CLIP2: variants seen among roughly 807,000 people sequenced by gnomAD.
The protein encoded by CLIP2 is CAP-Gly domain-containing linker protein 2.
CLIP2 carries 41 observed loss-of-function variants against 111.7 expected under a neutral mutation model. That is an observed-to-expected ratio of 0.37 (90% CI 0.29 to 0.48). The LOEUF is 0.48. Among genes scored for constraint, CLIP2 ranks in the 20% least tolerant of loss-of-function variants. The pLI, the probability that CLIP2 is intolerant of heterozygous loss-of-function variation, is 0.99. For synonymous variants in CLIP2, 660 were observed against 644.2 expected (o/e 1.02, Z -0.37); for missense variants, 1,160 against 1,422.1 (o/e 0.82, Z 2.96).
Position 74,389,259 on chromosome 7 carries a change from G to A in CLIP2, c.2720G>A (p.Arg907Gln), listed in dbSNP as rs1584386307. 6.9e-6 allele frequency: 11 copies of A among 1,588,014 alleles called. No individual in the cohort carries two copies. Among genetic ancestry groups the A allele is most frequent in the East Asian group, 2.3e-5 (1 of 43,508 alleles). Residue 907 changes from arginine to glutamine, a missense_variant and splice_region_variant, in exon 13 of 17, where the codon CGG becomes CAG. Physicochemically the swap from Arg to Gln is conservative, Grantham distance 43 (BLOSUM62 1). Coordinates refer to ENST00000223398, the MANE Select transcript of CLIP2 (RefSeq NM_003388.5). ...LISQELLRKE[R>Q]SLNELRVLLL... ...AGCCAGGAGCTGCTGCGGAAGGAGC[G>A]GTGAGGCGGCCGTGGGGCCGGCTGG...
intron 7 of CLIP2, among the ~76,000 whole-genome samples, chr7:74,361,658 C>T (rs1396079554): frequency 6.6e-6 from 1 of 152,198 alleles, no homozygotes; most frequent in African/African-American, 2.4e-5. Flanking sequence ...ACTGGGACTA[C>T]AGGCACACGC....
At chr7:74,321,438 T>C (rs1788949495) in intron 2 of CLIP2, among the ~76,000 whole-genome samples, 1 of 152,140 alleles carries the variant, frequency 6.6e-6, no homozygotes, top group African/African-American at 2.4e-5. Flanking sequence ...GCCATTGTCA[T>C]GTTGCAGCGC....
At chr7:74,321,677 C>A (rs1466792689) in intron 2 of CLIP2, among the ~76,000 whole-genome samples, 3 of 152,006 alleles carry the variant, frequency 2.0e-5, no homozygotes, top group Admixed American at 6.6e-5. Flanking sequence ...ATCATCTTGG[C>A]CAGGCTGGTC....
intron 11 of CLIP2, among the ~76,000 whole-genome samples, chr7:74,385,108 C>A (rs1791048854): frequency 7.6e-6 from 1 of 131,556 alleles, no homozygotes; most frequent in Non-Finnish European, 1.6e-5. Flanking sequence ...GAAACCCTGT[C>A]TCTATTAAAA....
In CLIP2 at chr7:74,387,447, C is replaced by T. The variant is rs1324629110; in HGVS notation, c.2563+843C>T. On this transcript the variant is annotated intron_variant, in intron 12 of 16. Coordinates refer to ENST00000223398, the MANE Select transcript of CLIP2 (RefSeq NM_003388.5). ...TATTTTTTTAGTAGAGATGGGGTTT[C>T]GCCATGTTGGCCAGGCTGGTCTCCA... 2.6e-5 allele frequency among the ~76,000 whole-genome samples: 4 copies of T among 152,140 alleles called. 1 individual carries two copies. The South Asian group carries it at 6.2e-4, about 24-fold the overall frequency.
At chr7:74,399,260 G>A (rs1013369628) in intron 14 of CLIP2, among the ~76,000 whole-genome samples, 1 of 152,092 alleles carries the variant, frequency 6.6e-6, no homozygotes, top group East Asian at 1.9e-4. Flanking sequence ...GAAGGGTGCT[G>A]GGTGCGGTGG....
intron 1 of CLIP2, among the ~76,000 whole-genome samples, chr7:74,301,774 G>A (rs953932034): frequency 4.6e-5 from 7 of 151,304 alleles, no homozygotes; most frequent in Admixed American, 6.6e-5. Flanking sequence ...GTGCGCTGGC[G>A]TGATCTCGGC....
chr7:74,363,820 G>A (rs1206544160), intron 7 of CLIP2, among the ~76,000 whole-genome samples: 2 of 150,566 alleles, frequency 1.3e-5, no homozygotes, highest in Non-Finnish European at 3.0e-5. Flanking sequence ...TGCTTGAACC[G>A]TGGAGGCAGA....
intron 3 of CLIP2, among the ~76,000 whole-genome samples, chr7:74,349,285 G>A (rs1453494532): frequency 1.3e-5 from 2 of 151,300 alleles, no homozygotes; most frequent in Non-Finnish European, 2.9e-5. Context: ...ACAAAAATTA[G>A]CTGGGCGTGG....
chr7:74,368,529 TAAATAAATAAATAA>T (rs1263577502), intron 8 of CLIP2, among the ~76,000 whole-genome samples: 4 of 148,412 alleles, frequency 2.7e-5, no homozygotes, highest in African/African-American at 1.0e-4. Context: ...AATAAATAAA[TAAATAAATAAATAA>T]AAATAAATAA....
chr7:74,300,827 T>G (rs2116457281), intron 1 of CLIP2, among the ~76,000 whole-genome samples: 1 of 152,266 alleles, frequency 6.6e-6, no homozygotes, highest in East Asian at 1.9e-4. Context: ...TATCCAGTCC[T>G]CCCTTGACGG....
At chr7:74,312,669 A>T (rs1478147837) in intron 1 of CLIP2, among the ~76,000 whole-genome samples, 1 of 152,110 alleles carries the variant, frequency 6.6e-6, no homozygotes, top group African/African-American at 2.4e-5. Context: ...GTACCCCAGC[A>T]TGATTGACTC....
Position 74,338,713 on chromosome 7 carries a change from C to T in CLIP2, c.387C>T (p.Tyr129=). The T allele has an allele frequency of 1.9e-6, 3 of 1,589,714 alleles. No homozygotes were observed. The highest frequency in any genetic ancestry group is 2.6e-6 in the Non-Finnish European group (3 of 1,171,796). ...KNDGAVGGVR[Y]FECPALQGIF... is the part of the protein sequence containing the mutation. ...ATGGCGCGGTGGGCGGCGTGCGCTACTTCGAGTGCCCGGCCCTCCAGGGTA... is the reference window on the plus strand; with the variant it reads ...ATGGCGCGGTGGGCGGCGTGCGCTATTTCGAGTGCCCGGCCCTCCAGGGTA... Residue 129 remains tyrosine (Y), a synonymous_variant, in exon 3 of 17, where the codon TAC becomes TAT. Transcript: ENST00000223398. The surrounding 1 kb of genome is among the most constrained non-coding windows in gnomAD (Gnocchi z 4.3).
chr7:74,386,461 T>A, intron 11 of CLIP2, 60 bp from the exon 12 acceptor site: 1 of 1,424,434 alleles, frequency 7.0e-7, no homozygotes, highest in Non-Finnish European at 9.8e-7. Flanking sequence ...GCCATGGCCC[T>A]ACCCACTGCT....
At chr7:74,390,102 AG>A (rs1791231451) in intron 13 of CLIP2, among the ~76,000 whole-genome samples, 1 of 142,850 alleles carries the variant, frequency 7.0e-6, no homozygotes, top group Non-Finnish European at 1.5e-5. Context: ...AAAAAAAAAA[AG>A]AAAGAAAGAA....
chr7:74,376,734 A>G lies in CLIP2; in HGVS notation c.2333A>G (p.Gln778Arg). 1 of 1,612,976 alleles carries G rather than the reference A, an allele frequency of 6.2e-7. No homozygotes were observed. Among genetic ancestry groups the G allele is most frequent in the Non-Finnish European group, 8.5e-7 (1 of 1,179,750 alleles). Residue 778 changes from glutamine (Q) to arginine (R), a missense_variant, in exon 10 of 17, where the codon CAG becomes CGG. Coordinates refer to ENST00000223398, the MANE Select transcript of CLIP2 (RefSeq NM_003388.5). The surrounding 1 kb of genome is among the most constrained non-coding windows in gnomAD (Gnocchi z 7.1). Reference protein sequence around the residue: ...RLQRAEAQGKQEVESLREKLL... With the variant: ...RLQRAEAQGKREVESLREKLL... The stretch of plus-strand genomic sequence containing the variant: ...CAGCGGGCAGAAGCCCAGGGCAAAC[A>G]GGAGGTCGAGAGTTTGCGGGAGAAG...
chr7:74,392,331 A>G (rs1322845249), intron 13 of CLIP2, among the ~76,000 whole-genome samples: 2 of 149,174 alleles, frequency 1.3e-5, no homozygotes, highest in African/African-American at 5.0e-5. Flanking sequence ...AGCCTGGGCG[A>G]CAGAGTGAGA....
chr7:74,387,640 G>A lies in CLIP2; in HGVS notation c.2563+1036G>A, dbSNP rs957392172. 2.6e-5 allele frequency among the ~76,000 whole-genome samples: 4 copies of A among 152,292 alleles called. No individual in the cohort carries two copies. In the East Asian group the frequency reaches 7.7e-4, roughly 29 times the overall value. ...GGAAATGGTTGCCAACCTGTCTTCT[G>A]TCCATCCCCCAGTACAAGGCAGAAT... On this transcript the variant is annotated intron_variant, in intron 12 of 16. Transcript: ENST00000223398.
At chr7:74,337,725 A>C (rs1789516393) in intron 2 of CLIP2, among the ~76,000 whole-genome samples, 1 of 151,734 alleles carries the variant, frequency 6.6e-6, no homozygotes, top group East Asian at 1.9e-4. Flanking sequence ...CCTCCTCACT[A>C]GCTGGGATTA....
Sources: gnomAD v4.1 joint callset for allele counts (sites outside exome capture counted in the v4.1 genomes callset) on GRCh38, gnomAD v4.1.1 for gene constraint, Gnocchi (gnomAD v3.1) non-coding constraint, MANE v1.5 for transcripts, NCBI Gene and HGNC (gene_info 2026-07-23, HGNC 2026-07-21) for gene names.